Variants in FOXP1 observed in about 807,000 individuals in gnomAD.
FOXP1 encodes the protein forkhead box P1.
FOXP1 carries 15 observed loss-of-function variants against 98.2 expected under a neutral mutation model. The observed-to-expected ratio is 0.15, with a 90% CI of 0.10 to 0.24. The LOEUF is 0.24. Among genes scored for constraint, FOXP1 ranks in the 10% least tolerant of loss-of-function variants. The probability of loss-of-function intolerance (pLI) is 1.00; values close to 1 mark genes in which losing one functional copy is unlikely to be tolerated. For missense variants in FOXP1, 633 were observed against 848.5 expected (o/e 0.75, Z 3.15); for synonymous variants, 371 against 314.5 (o/e 1.18, Z -1.90).
intron 3 of FOXP1, among the ~76,000 whole-genome samples, chr3:71,429,227 G>A (rs908749888): frequency 3.3e-5 from 5 of 152,128 alleles, no homozygotes; most frequent in African/African-American, 1.2e-4. Context: ...TCATTCCCAA[G>A]GGGACACTGA....
intron 6 of FOXP1, among the ~76,000 whole-genome samples, chr3:71,170,461 A>G (rs2061596719): frequency 6.6e-6 from 1 of 152,184 alleles, no homozygotes; most frequent in African/African-American, 2.4e-5. Context: ...TACAGCAACT[A>G]CTGTATGAAT....
intron 4 of FOXP1, among the ~76,000 whole-genome samples, chr3:71,346,792 TA>T (rs1018889696): frequency 2.6e-5 from 4 of 151,836 alleles, no homozygotes; most frequent in South Asian, 2.1e-4. Flanking sequence ...AAAGCCCCAT[TA>T]AAAAAAATTA....
At chr3:71,436,925 C>A (rs2085419462) in intron 3 of FOXP1, among the ~76,000 whole-genome samples, 1 of 152,122 alleles carries the variant, frequency 6.6e-6, no homozygotes, top group Non-Finnish European at 1.5e-5. Flanking sequence ...AACACAATTC[C>A]ATTTTTTCAC....
chr3:71,186,670 C>T (rs1224977605), intron 6 of FOXP1, among the ~76,000 whole-genome samples: 1 of 152,130 alleles, frequency 6.6e-6, no homozygotes, highest in East Asian at 1.9e-4. Flanking sequence ...GAGACAGGGC[C>T]ACTGTACTCC....
intron 3 of FOXP1, among the ~76,000 whole-genome samples, chr3:71,439,230 C>T (rs982514141): frequency 2.0e-5 from 3 of 152,198 alleles, no homozygotes; most frequent in African/African-American, 7.2e-5. Flanking sequence ...ACGAGAGCTG[C>T]TCAGAACCCT....
chr3:71,037,359 T>A (rs2047728934), intron 11 of FOXP1, among the ~76,000 whole-genome samples: 1 of 152,202 alleles, frequency 6.6e-6, no homozygotes, highest in South Asian at 2.1e-4. Flanking sequence ...TTTTAATAGA[T>A]GTTTCATTTG....
At chr3:71,520,431 A>T (rs1404087152) in intron 2 of FOXP1, among the ~76,000 whole-genome samples, 1 of 152,230 alleles carries the variant, frequency 6.6e-6, no homozygotes, top group African/African-American at 2.4e-5. Context: ...CTCCACAGGA[A>T]TCCTTGCAGA....
At chr3:71,141,474 A>G (rs2107999590) in intron 6 of FOXP1, among the ~76,000 whole-genome samples, 1 of 152,204 alleles carries the variant, frequency 6.6e-6, no homozygotes, top group Non-Finnish European at 1.5e-5. Context: ...TCAAACAATA[A>G]ACGCTTAAGC....
chr3:71,555,416 T>G (rs1373004761), intron 2 of FOXP1, among the ~76,000 whole-genome samples: 1 of 152,168 alleles, frequency 6.6e-6, no homozygotes, highest in African/African-American at 2.4e-5. Flanking sequence ...TCTCACACAC[T>G]ACAAGAGAAG....
intron 6 of FOXP1, among the ~76,000 whole-genome samples, chr3:71,162,677 G>C (rs2061199201): frequency 6.6e-6 from 1 of 152,184 alleles, no homozygotes; most frequent in Admixed American, 6.5e-5. Flanking sequence ...CAGGTGTCTG[G>C]TGAAGCCCCA....
chr3:71,143,693 A>T (rs965500584), intron 6 of FOXP1, among the ~76,000 whole-genome samples: 1 of 152,188 alleles, frequency 6.6e-6, no homozygotes, highest in African/African-American at 2.4e-5. Flanking sequence ...CAGGAGTTAG[A>T]GGCCACCCTG....
chr3:71,583,779 T>A, upstream of FOXP1: 17 of 986,608 alleles, frequency 1.7e-5, no homozygotes, highest in Non-Finnish European at 2.0e-5. Flanking sequence ...CGCTCCGGAC[T>A]AGCTTCCCGG....
intron 11 of FOXP1, among the ~76,000 whole-genome samples, chr3:71,036,936 G>A (rs995105857): frequency 6.6e-6 from 1 of 152,166 alleles, no homozygotes; most frequent in African/African-American, 2.4e-5. Context: ...TCGTAATTTA[G>A]TATTCACTTC....
chr3:71,349,039 A>G (rs1425564790), intron 4 of FOXP1, among the ~76,000 whole-genome samples: 2 of 152,208 alleles, frequency 1.3e-5, no homozygotes, highest in East Asian at 1.9e-4. Flanking sequence ...TTTCACTTCT[A>G]TAAGTAACTC....
chr3:70,992,629 G>A (rs895448615), intron 13 of FOXP1, among the ~76,000 whole-genome samples: 1 of 152,022 alleles, frequency 6.6e-6, no homozygotes, highest in Non-Finnish European at 1.5e-5. Context: ...CACCCCAATC[G>A]AAGAATTTCC....
rs368656194 is a variant in FOXP1, at chr3:71,324,206, CAT to C, written c.-72-24328_-72-24327del. 6.8e-4 allele frequency among the ~76,000 whole-genome samples: 103 copies of C among 152,224 alleles called. 1 individual carries two copies. Among genetic ancestry groups the C allele is most frequent in the African/African-American group, 2.4e-3 (98 of 41,514 alleles). ...TAAATTTAGCCATTAAAGACACACA[CAT>C]GTTGTTTAGTTCTGAATACCAATTT... On this transcript the variant is annotated intron_variant, in intron 4 of 20. Transcript: ENST00000649528.
intron 14 of FOXP1, among the ~76,000 whole-genome samples, chr3:70,980,762 A>T (rs1359442824): frequency 6.6e-6 from 1 of 152,210 alleles, no homozygotes; most frequent in East Asian, 1.9e-4. Context: ...ACAATGACAA[A>T]AACAGGAAGA....
chr3:71,177,840 C>CTTTTTTTTT (rs397704711), intron 6 of FOXP1, among the ~76,000 whole-genome samples: 14 of 114,932 alleles, frequency 1.2e-4, no homozygotes, highest in South Asian at 5.5e-4. Flanking sequence ...TTCTTTCTTT[C>CTTTTTTTTT]TTTTTTTTTT....
intron 3 of FOXP1, among the ~76,000 whole-genome samples, chr3:71,442,372 A>G (rs2086015183): frequency 6.6e-6 from 1 of 151,412 alleles, no homozygotes; most frequent in African/African-American, 2.5e-5. Context: ...GAAGACCTTA[A>G]AAAGCCAAAA....
Sources: gnomAD v4.1 joint callset for allele counts (sites outside exome capture counted in the v4.1 genomes callset) on GRCh38, gnomAD v4.1.1 for gene constraint, MANE v1.5 for transcripts, NCBI Gene and HGNC (gene_info 2026-07-23, HGNC 2026-07-21) for gene names.